COG3: variants seen among roughly 807,000 people sequenced by gnomAD.
COG3 encodes conserved oligomeric Golgi complex subunit 3.
In COG3, 32 loss-of-function variants were observed where a neutral mutation model predicts 114.1. The observed-to-expected ratio is 0.28, with a 90% CI of 0.21 to 0.38. The LOEUF (loss-of-function observed/expected upper bound fraction) is 0.38. COG3 is among the 10% of genes least tolerant of loss of function. COG3 has a pLI of 1.00. For synonymous variants in COG3, 352 were observed against 365.7 expected, an observed-to-expected ratio of 0.96 and a Z score of 0.43; for missense variants, 813 against 973.2, an observed-to-expected ratio of 0.84 and a Z score of 2.19.
At chr13:45,486,344 G>GAGGGAGAGGGAA in intron 7 of COG3, 151 bp from the exon 8 acceptor site, 4 of 567,464 alleles carry the variant, frequency 7.0e-6, no homozygotes, top group Non-Finnish European at 1.2e-5. Context: ...GGAGACGGGA[G>GAGGGAGAGGGAA]AGGGAGAGGG....
chr13:45,508,293 A>G (rs1870431254), intron 14 of COG3, among the ~76,000 whole-genome samples: 1 of 149,522 alleles, frequency 6.7e-6, no homozygotes, highest in South Asian at 2.1e-4. Flanking sequence ...AAACATTCCA[A>G]ATATACAGAA....
In COG3 at chr13:45,509,867, T is replaced by A. The variant is rs773578615; in HGVS notation, c.1719+51T>A. 3.5e-6 allele frequency: 5 copies of A among 1,444,474 alleles called. No homozygotes were observed. In the South Asian group the frequency reaches 4.3e-5, roughly 12 times the overall value. The allele number at this position is 1,444,474 out of a possible 1,614,324, so 89.5% of individuals were successfully genotyped here. On this transcript the variant is annotated intron_variant, in intron 15 of 22. Coordinates refer to ENST00000349995, the MANE Select transcript of COG3 (RefSeq NM_031431.4). ...CTCGTTCTTTCACTTGAAATATTTT[T>A]AAATTTACATTTTAAGATCTTGATA...
At chr13:45,483,100 T>C (rs766585059) in intron 6 of COG3, 130 bp from the exon 7 acceptor site, 5 of 587,662 alleles carry the variant, frequency 8.5e-6, no homozygotes, top group Middle Eastern at 9.5e-4. Context: ...TCATGGAGTT[T>C]ATGATCTTTA....
intron 11 of COG3, 94 bp from the exon 12 acceptor site, chr13:45,493,253 C>A: frequency 1.0e-6 from 1 of 979,598 alleles, no homozygotes; most frequent in Admixed American, 2.1e-5. Context: ...ACTTATTGTT[C>A]TTATTGACTG....
intron 8 of COG3, among the ~76,000 whole-genome samples, chr13:45,490,535 GATTC>G (rs1289105734): frequency 6.6e-6 from 1 of 151,948 alleles, no homozygotes; most frequent in Admixed American, 6.6e-5. Context: ...TGCTTACAAT[GATTC>G]ATTGAGTGTT....
In COG3 at chr13:45,492,142, GTGTT is replaced by G; in HGVS notation, c.1096-11_1096-8del. The G allele has an allele frequency of 6.6e-7, 1 of 1,510,218 alleles. No homozygotes were observed. Among genetic ancestry groups the G allele is most frequent in the African/African-American group, 1.4e-5 (1 of 72,238 alleles). The allele number at this position is 1,510,218 out of a possible 1,614,324, so 93.6% of individuals were successfully genotyped here. On this transcript the variant is annotated splice_polypyrimidine_tract_variant and intron_variant, in intron 10 of 22. Transcript: ENST00000349995. ...GTGTGTCTTTAACTGTAGGTGGTGT[GTGTT>G]TGTTTACTGCAGGTTCGTAGTGGCT...
chr13:45,493,715 T>A, intron 12 of COG3: 1 of 301,020 alleles, frequency 3.3e-6, no homozygotes, highest in Non-Finnish European at 6.1e-6. Context: ...AATAAAATAA[T>A]TATAGTCAGT....
intron 22 of COG3, among the ~76,000 whole-genome samples, chr13:45,534,105 T>C (rs1873393361): frequency 6.6e-6 from 1 of 152,212 alleles, no homozygotes; most frequent in African/African-American, 2.4e-5. Context: ...GGCAGGTTGC[T>C]CCTGCAGTTG....
At chr13:45,533,549 C>T (rs779199969) in intron 22 of COG3, among the ~76,000 whole-genome samples, 1 of 152,190 alleles carries the variant, frequency 6.6e-6, no homozygotes, top group Non-Finnish European at 1.5e-5. Context: ...AGGAAATTCT[C>T]TCACTACTCC....
chr13:45,511,418 G>T (rs575205198), intron 15 of COG3, among the ~76,000 whole-genome samples: 1 of 152,298 alleles, frequency 6.6e-6, no homozygotes, highest in Admixed American at 6.5e-5. Flanking sequence ...GTTGGTTTTA[G>T]AGATTTAAAA....
At chr13:45,476,568 C>T (rs1344503212) in intron 2 of COG3, among the ~76,000 whole-genome samples, 1 of 151,990 alleles carries the variant, frequency 6.6e-6, no homozygotes, top group Non-Finnish European at 1.5e-5. Context: ...CATGAGATTC[C>T]ATGTTTGGAC....
chr13:45,468,737 T>C (rs1203765125), intron 1 of COG3, among the ~76,000 whole-genome samples: 1 of 152,238 alleles, frequency 6.6e-6, no homozygotes, highest in African/African-American at 2.4e-5. Context: ...GCATAAACTA[T>C]ACAGTAGCTC....
chr13:45,532,415 T>G (rs1873231963), intron 22 of COG3, among the ~76,000 whole-genome samples: 1 of 152,138 alleles, frequency 6.6e-6, no homozygotes, highest in Admixed American at 6.5e-5. Flanking sequence ...CTTAATGATA[T>G]AAAATACTTG....
chr13:45,504,463 C>T (rs751906747), intron 14 of COG3, among the ~76,000 whole-genome samples: 1 of 152,190 alleles, frequency 6.6e-6, no homozygotes, highest in Non-Finnish European at 1.5e-5. Flanking sequence ...TGTGCGTTTT[C>T]TCTTTCCCCA....
At chr13:45,476,984 G>T (rs1885910569) in intron 2 of COG3, among the ~76,000 whole-genome samples, 1 of 152,208 alleles carries the variant, frequency 6.6e-6, no homozygotes, top group Non-Finnish European at 1.5e-5. Flanking sequence ...AAGAATTACA[G>T]TTCCTGAGCT....
At chr13:45,498,474 A>G (rs1346140728) in intron 13 of COG3, among the ~76,000 whole-genome samples, 1 of 151,428 alleles carries the variant, frequency 6.6e-6, no homozygotes, top group African/African-American at 2.4e-5. Flanking sequence ...ATTTCAAGAA[A>G]TTGTATGTGA....
chr13:45,466,184 C>T (rs867711678), intron 1 of COG3, among the ~76,000 whole-genome samples: 11 of 152,232 alleles, frequency 7.2e-5, no homozygotes, highest in Middle Eastern at 6.8e-3. Flanking sequence ...ATCACAGGTG[C>T]CTGCCACTAC....
rs1870894347 is a variant in COG3, at chr13:45,511,745, A to C, written c.1720-20A>C. On this transcript the variant is annotated intron_variant, in intron 15 of 22. Transcript: ENST00000349995. ...TTTTGTCAAATGCCACAGGCTGATT[A>C]TTCTCTTTTATTCCACCAGAGGGCA... is the stretch of plus-strand genomic sequence containing the variant. 1 of 1,593,620 alleles carries C rather than the reference A, an allele frequency of 6.3e-7. No individual in the cohort carries two copies. Among genetic ancestry groups the C allele is most frequent in the African/African-American group, 1.3e-5 (1 of 74,490 alleles).
At position 45,491,313 on chromosome 13, in the gene COG3, T is replaced by C. The variant is rs544184891; in HGVS notation, c.969-99T>C. On this transcript the variant is annotated intron_variant, in intron 9 of 22. Coordinates refer to ENST00000349995, the MANE Select transcript of COG3 (RefSeq NM_031431.4). ...GTGGGCAAATGAGAGGTGACCGTTA[T>C]AGCTTTAAAAGAGGTTTGGCAACCT... 706 of 1,232,364 alleles carry C rather than the reference T, an allele frequency of 5.7e-4. 2 individuals are homozygous for C. The highest frequency in any genetic ancestry group is 2.0e-4 in the Non-Finnish European group (176 of 880,612). The allele number at this position is 1,232,364 out of a possible 1,614,324, so 76.3% of individuals were successfully genotyped here.
Sources: gnomAD v4.1 joint callset for allele counts (sites outside exome capture counted in the v4.1 genomes callset) on GRCh38, gnomAD v4.1.1 for gene constraint, MANE v1.5 for transcripts, NCBI Gene and HGNC (gene_info 2026-07-23, HGNC 2026-07-21) for gene names.